Variants in TNFAIP8 observed in about 807,000 individuals in gnomAD.
The protein encoded by TNFAIP8 is tumor necrosis factor alpha-induced protein 8.
TNFAIP8 carries 7 observed loss-of-function variants against 13.3 expected under a neutral mutation model. The observed-to-expected ratio is 0.52, with a 90% CI of 0.30 to 0.99. The LOEUF (loss-of-function observed/expected upper bound fraction) is 0.99, where lower values mean the gene tolerates loss of function less well. Ranked by LOEUF, TNFAIP8 falls within the 50% of genes least tolerant of loss-of-function variation. TNFAIP8 has a pLI of 0.07. For synonymous variants in TNFAIP8, 94 were observed against 87.6 expected (o/e 1.07, Z -0.41); for missense variants, 258 against 236.9 (o/e 1.09, Z -0.58).
chr5:119,304,189 G>C (rs917438939), intron 1 of TNFAIP8, among the ~76,000 whole-genome samples: 1 of 151,996 alleles, frequency 6.6e-6, no homozygotes, highest in Non-Finnish European at 1.5e-5. Context: ...CATGATCATA[G>C]CTCACTGCAG....
intron 1 of TNFAIP8, among the ~76,000 whole-genome samples, chr5:119,383,079 A>G (rs1053523564): frequency 6.6e-6 from 1 of 152,196 alleles, no homozygotes; most frequent in Admixed American, 6.5e-5. Flanking sequence ...CTGTTTCCCA[A>G]ACTTATTTAA....
At chr5:119,391,419 G>A (rs1284900392) in intron 1 of TNFAIP8, 3 of 702,344 alleles carry the variant, frequency 4.3e-6, no homozygotes, top group Non-Finnish European at 7.8e-6. Flanking sequence ...TCGACTCAGA[G>A]ATTGAGTAGA....
At chr5:119,367,166 T>TG (rs1235299662) in intron 1 of TNFAIP8, among the ~76,000 whole-genome samples, 2 of 152,234 alleles carry the variant, frequency 1.3e-5, no homozygotes, top group African/African-American at 4.8e-5. Flanking sequence ...CATGGTCCAT[T>TG]GACCCATTAA....
intron 1 of TNFAIP8, among the ~76,000 whole-genome samples, chr5:119,322,534 A>T (rs1042380974): frequency 6.6e-6 from 1 of 152,196 alleles, no homozygotes; most frequent in African/African-American, 2.4e-5. Context: ...TGGCATTTTA[A>T]TGCTAGGTGG....
intron 1 of TNFAIP8, among the ~76,000 whole-genome samples, chr5:119,322,198 C>T (rs1033691437): frequency 6.6e-6 from 1 of 152,206 alleles, no homozygotes; most frequent in Non-Finnish European, 1.5e-5. Flanking sequence ...CCCTCCACAG[C>T]GTTTATCTCC....
intron 1 of TNFAIP8, among the ~76,000 whole-genome samples, chr5:119,300,147 A>C (rs978547835): frequency 6.6e-6 from 1 of 152,168 alleles, no homozygotes; most frequent in Non-Finnish European, 1.5e-5. Context: ...GCACTCCCTA[A>C]TGAGATGAAC....
At chr5:119,298,168 T>G (rs1273394337) in intron 1 of TNFAIP8, among the ~76,000 whole-genome samples, 2 of 152,218 alleles carry the variant, frequency 1.3e-5, no homozygotes, top group Non-Finnish European at 2.9e-5. Flanking sequence ...GCTGGTTATT[T>G]TGCTCGTTAG....
chr5:119,366,162 G>T (rs943883172), intron 1 of TNFAIP8, among the ~76,000 whole-genome samples: 1 of 151,054 alleles, frequency 6.6e-6, no homozygotes, highest in Non-Finnish European at 1.5e-5. Flanking sequence ...AAAAAAAAAA[G>T]TAATATGTGC....
Position 119,304,313 on chromosome 5 carries a change from A to C in TNFAIP8, c.1+35406A>C, listed in dbSNP as rs1222717607. Reference sequence around the variant, plus strand: ...TCTTAAAAGTGCTCCTCCTGCTTTCAGAATCAAGTTCAAACTCCTTCACCA... The same window carrying C: ...TCTTAAAAGTGCTCCTCCTGCTTTCCGAATCAAGTTCAAACTCCTTCACCA... On this transcript the variant is annotated intron_variant, in intron 1 of 1. Transcript: ENST00000274456. Among the ~76,000 whole-genome samples the C allele has an allele frequency of 3.3e-5, 5 of 152,224 alleles. No individual in the cohort carries two copies. The East Asian group carries it at 9.7e-4, about 29-fold the overall frequency.
In TNFAIP8 at chr5:119,303,162, C is replaced by T. The variant is rs572623211; in HGVS notation, c.1+34255C>T. Among the ~76,000 whole-genome samples the T allele has an allele frequency of 7.2e-5, 11 of 152,248 alleles. No homozygotes were observed. The South Asian group carries it at 2.1e-3, about 29-fold the overall frequency. On this transcript the variant is annotated intron_variant, in intron 1 of 1. Transcript: ENST00000274456. ...TCCTTTAGGGGAGCAGCTATGCAGC[C>T]AGTGTAAACATTCCAATTCAATTAG...
At chr5:119,287,594 C>G (rs1342708668) in intron 1 of TNFAIP8, among the ~76,000 whole-genome samples, 6 of 152,140 alleles carry the variant, frequency 3.9e-5, no homozygotes, top group Admixed American at 3.9e-4. Context: ...AACAACTCCC[C>G]ATTCCCCACC....
At chr5:119,333,563 G>A (rs1236912410) in intron 1 of TNFAIP8, 2 of 1,535,466 alleles carry the variant, frequency 1.3e-6, no homozygotes, top group East Asian at 2.4e-5. Flanking sequence ...CCTCAAGTCT[G>A]TATGACTCTA....
chr5:119,346,464 G>A (rs985498972), intron 1 of TNFAIP8, among the ~76,000 whole-genome samples: 1 of 152,170 alleles, frequency 6.6e-6, no homozygotes, highest in African/African-American at 2.4e-5. Context: ...GAAAAAATAT[G>A]TAAAGGTCCC....
chr5:119,275,802 T>A (rs1389494116), intron 1 of TNFAIP8, among the ~76,000 whole-genome samples: 1 of 151,668 alleles, frequency 6.6e-6, no homozygotes, highest in African/African-American at 2.4e-5. Context: ...ATAGTATTAA[T>A]TTTAGTAGAT....
intron 1 of TNFAIP8, among the ~76,000 whole-genome samples, chr5:119,326,726 G>T (rs1227027517): frequency 6.6e-6 from 1 of 152,178 alleles, no homozygotes; most frequent in African/African-American, 2.4e-5. Context: ...TGAGCCTGAA[G>T]GAGGTTGGGG....
intron 1 of TNFAIP8, among the ~76,000 whole-genome samples, chr5:119,387,984 T>A (rs1358645910): frequency 6.6e-6 from 1 of 152,238 alleles, no homozygotes; most frequent in Non-Finnish European, 1.5e-5. Flanking sequence ...ATGAATATTT[T>A]CAGCACTTTC....
chr5:119,273,908 C>G lies in TNFAIP8; in HGVS notation c.1+5001C>G, dbSNP rs558205494. On this transcript the variant is annotated intron_variant, in intron 1 of 1. Coordinates refer to the TNFAIP8 transcript ENST00000274456. ...GCCAAAAAGTAAGCAACAGCTCACTCTGTCAATACCCTCTCTAAGCCTGGC... is the reference window on the plus strand; with the variant it reads ...GCCAAAAAGTAAGCAACAGCTCACTGTGTCAATACCCTCTCTAAGCCTGGC... Among the ~76,000 whole-genome samples the G allele has an allele frequency of 7.7e-4, 117 of 152,338 alleles. 2 individuals carry two copies. The highest frequency in any genetic ancestry group is 1.9e-3 in the Admixed American group (29 of 15,310).
intron 1 of TNFAIP8, among the ~76,000 whole-genome samples, chr5:119,372,884 C>A (rs1453145735): frequency 6.6e-6 from 1 of 152,160 alleles, no homozygotes; most frequent in Non-Finnish European, 1.5e-5. Flanking sequence ...TCGCTTGAAC[C>A]TGGGAGGCAG....
intron 1 of TNFAIP8, among the ~76,000 whole-genome samples, chr5:119,371,878 C>G (rs1241931060): frequency 1.3e-5 from 2 of 152,200 alleles, no homozygotes; most frequent in East Asian, 3.9e-4. Context: ...TGGCTCACAC[C>G]TGTAATCCCA....
Sources: gnomAD v4.1 joint callset for allele counts (sites outside exome capture counted in the v4.1 genomes callset) on GRCh38, gnomAD v4.1.1 for gene constraint, MANE v1.5 for transcripts, NCBI Gene and HGNC (gene_info 2026-07-23, HGNC 2026-07-21) for gene names.